The following ZNF451 variants were observed in gnomAD, a reference collection of about 807,000 sequenced individuals.
ZNF451 encodes the protein E3 SUMO-protein ligase ZNF451.
A neutral mutation model predicts 107.1 loss-of-function variants in ZNF451; 80 were observed. That is an observed-to-expected ratio of 0.75 (90% confidence interval 0.62 to 0.90). The LOEUF (loss-of-function observed/expected upper bound fraction) is 0.90, where lower values mean the gene tolerates loss of function less well. ZNF451 is among the 40% of genes least tolerant of loss of function. The pLI is 0.00. For missense variants in ZNF451, 1,107 were observed against 1,236.2 expected (o/e 0.90, Z 1.57); for synonymous variants, 362 against 406.5 (o/e 0.89, Z 1.32).
intron 3 of ZNF451, among the ~76,000 whole-genome samples, chr6:57,113,283 C>T (rs1324210798): frequency 6.6e-6 from 1 of 151,766 alleles, no homozygotes; most frequent in African/African-American, 2.4e-5. Flanking sequence ...CCTCCAGCTC[C>T]ATCCATGTTC....
chr6:57,166,291 G>A (rs909330737), intron 14 of ZNF451, among the ~76,000 whole-genome samples: 13 of 152,152 alleles, frequency 8.5e-5, no homozygotes, highest in African/African-American at 3.1e-4. Context: ...GCCTTCCAAA[G>A]TACTCGGATT....
chr6:57,159,503 A>G lies in ZNF451; in HGVS notation c.3071-1581A>G, dbSNP rs571931387. 2.6e-5 allele frequency: 12 copies of G among 453,854 alleles called. No homozygotes were observed. In the South Asian group the frequency reaches 8.6e-4, roughly 32 times the overall value. 28.1% of individuals were successfully genotyped at this position (453,854 alleles called of 1,614,324 possible). The stretch of plus-strand genomic sequence containing the variant: ...AATGTAGCCCAACACAAATTTGTAA[A>G]CTTTCTTAAAACATTATAAGAGTTT... On this transcript the variant is annotated intron_variant, in intron 13 of 14. Coordinates refer to ENST00000370706, the MANE Select transcript of ZNF451 (RefSeq NM_001031623.3).
rs1045683755 is a variant in ZNF451 at position 57,141,322 on chromosome 6, TAAC to T, written c.730_732del (p.Asn244del). 1 of 1,611,444 alleles carries T rather than the reference TAAC, an allele frequency of 6.2e-7. No individual in the cohort carries two copies. The highest frequency in any genetic ancestry group is 1.1e-5 in the South Asian group (1 of 90,466). On this transcript the variant is annotated inframe_deletion, in exon 8 of 15. Transcript: ENST00000370706. ...TTTAGGAAGCCACAGATGATGGACA[TAAC>T]AACAACCTTCTTCCTCAGATTATTC...
At chr6:57,099,616 C>T in intron 3 of ZNF451, 1 of 678,110 alleles carries the variant, frequency 1.5e-6, no homozygotes, top group East Asian at 2.7e-5. Context: ...CAGTCATCAT[C>T]CCTTTAACCT....
intron 3 of ZNF451, among the ~76,000 whole-genome samples, chr6:57,112,129 A>G (rs1290321539): frequency 6.6e-6 from 1 of 152,190 alleles, no homozygotes; most frequent in Non-Finnish European, 1.5e-5. Context: ...TTGCTTTTCA[A>G]AGTGTTATTT....
intron 14 of ZNF451, chr6:57,165,512 A>G (rs1255980894): frequency 1.3e-5 from 2 of 152,186 alleles, no homozygotes; most frequent in African/African-American, 4.8e-5. Context: ...AAATTATACT[A>G]TCTTTAAATT....
intron 2 of ZNF451, among the ~76,000 whole-genome samples, chr6:57,092,192 C>A (rs948671286): frequency 6.6e-6 from 1 of 152,136 alleles, no homozygotes; most frequent in Non-Finnish European, 1.5e-5. Context: ...TGACATACTT[C>A]TTTATGAACT....
intron 4 of ZNF451, among the ~76,000 whole-genome samples, chr6:57,125,632 T>G (rs1475326249): frequency 6.6e-6 from 1 of 152,200 alleles, no homozygotes; most frequent in Admixed American, 6.5e-5. Context: ...TCCATGATTT[T>G]GTAATTTTAA....
At chr6:57,130,207 AG>A (rs984034451) in intron 5 of ZNF451, among the ~76,000 whole-genome samples, 2 of 152,190 alleles carry the variant, frequency 1.3e-5, no homozygotes, top group African/African-American at 4.8e-5. Context: ...ACAGAAAGGA[AG>A]CCTAGAACTT....
intron 13 of ZNF451, among the ~76,000 whole-genome samples, chr6:57,154,813 AT>A (rs1763333326): frequency 6.6e-6 from 1 of 152,188 alleles, no homozygotes; most frequent in Admixed American, 6.5e-5. Flanking sequence ...ATATTAATGA[AT>A]TACCTTAATG....
At chr6:57,145,720 T>TACATTGATGGA (rs2127977551) in intron 9 of ZNF451, among the ~76,000 whole-genome samples, 1 of 152,308 alleles carries the variant, frequency 6.6e-6, no homozygotes, top group African/African-American at 2.4e-5. Context: ...TTAGGTTGAT[T>TACATTGATGGA]CCATTCATTA....
At chr6:57,117,554 G>T (rs542729479) in intron 3 of ZNF451, among the ~76,000 whole-genome samples, 1 of 152,230 alleles carries the variant, frequency 6.6e-6, no homozygotes, top group Non-Finnish European at 1.5e-5. Flanking sequence ...CTAGTGTCGT[G>T]AGTATGTTTT....
intron 3 of ZNF451, among the ~76,000 whole-genome samples, chr6:57,118,682 C>G (rs941933551): frequency 2.0e-5 from 3 of 151,960 alleles, no homozygotes; most frequent in African/African-American, 7.3e-5. Context: ...CGAGGCCTTG[C>G]ACTGTTAGCT....
intron 7 of ZNF451, among the ~76,000 whole-genome samples, chr6:57,135,472 A>C (rs1311028875): frequency 6.6e-6 from 1 of 152,182 alleles, no homozygotes; most frequent in Admixed American, 6.5e-5. Flanking sequence ...ATTAACAAAA[A>C]GACAAGAAGT....
At chr6:57,159,217 T>C (rs888627508) in intron 13 of ZNF451, 22 of 985,320 alleles carry the variant, frequency 2.2e-5, no homozygotes, top group Non-Finnish European at 2.5e-5. Flanking sequence ...AAACCTTTTA[T>C]GATATTAATA....
At position 57,155,034 on chromosome 6, in the gene ZNF451, T is replaced by C. The variant is rs547973056; in HGVS notation, c.3070+987T>C. On this transcript the variant is annotated intron_variant, in intron 13 of 14. Coordinates refer to ENST00000370706, the MANE Select transcript of ZNF451 (RefSeq NM_001031623.3). ...AGTAATCTGTGCTCTTTATACTCTT[T>C]AAAGTGGAGTAATGATGGAAGATTA... Among the ~76,000 whole-genome samples, 23 of 152,312 alleles carry C rather than the reference T, an allele frequency of 1.5e-4. No individual in the cohort carries two copies. The Middle Eastern group carries it at 0.01, about 68-fold the overall frequency.
At chr6:57,161,185 G>C (rs773342812) in intron 14 of ZNF451, 33 bp downstream of exon 14, 1 of 1,262,594 alleles carries the variant, frequency 7.9e-7, no homozygotes, top group Non-Finnish European at 1.1e-6. Flanking sequence ...TTTTCTACTT[G>C]ACTGTATCTG....
intron 7 of ZNF451, 55 bp from the exon 8 acceptor site, chr6:57,141,247 A>C: frequency 7.3e-7 from 1 of 1,372,614 alleles, no homozygotes; most frequent in Non-Finnish European, 9.6e-7. Flanking sequence ...GTTTTTTTCA[A>C]GAACTTGAGT....
chr6:57,154,747 AG>A (rs1276803868), intron 13 of ZNF451, among the ~76,000 whole-genome samples: 11 of 152,252 alleles, frequency 7.2e-5, no homozygotes, highest in Admixed American at 1.3e-4. Flanking sequence ...AAATATGGAT[AG>A]AATAATTAAT....
Sources: allele counts gnomAD v4.1 joint callset (sites outside exome capture counted in the v4.1 genomes callset), GRCh38; gene constraint gnomAD v4.1.1; transcripts MANE v1.5; gene names NCBI Gene and HGNC (gene_info 2026-07-23, HGNC 2026-07-21).